ARHGAP24: variants seen among roughly 807,000 people sequenced by gnomAD.
ARHGAP24 encodes the protein Rho GTPase activating protein 24, also known as rho GTPase-activating protein 24.
Under a neutral mutation model 76.4 loss-of-function variants are expected in ARHGAP24, and 50 were observed. That is an observed-to-expected ratio of 0.65 (90% CI 0.52 to 0.83). ARHGAP24 has a LOEUF of 0.83. Among genes scored for constraint, ARHGAP24 ranks in the 40% least tolerant of loss-of-function variants. The pLI is 0.00. For missense variants in ARHGAP24, 930 were observed against 914.2 expected (o/e 1.02, Z -0.22); for synonymous variants, 345 against 323.3 (o/e 1.07, Z -0.72).
intron 3 of ARHGAP24, among the ~76,000 whole-genome samples, chr4:85,766,982 A>G (rs1726952578): frequency 6.6e-6 from 1 of 152,208 alleles, no homozygotes. Flanking sequence ...ATGTTTGGAT[A>G]CACAGTATTT....
intron 6 of ARHGAP24, among the ~76,000 whole-genome samples, chr4:85,973,293 T>A (rs1407874493): frequency 6.6e-6 from 1 of 151,830 alleles, no homozygotes; most frequent in East Asian, 1.9e-4. Flanking sequence ...ATGCTGAACA[T>A]CTTTTCATGT....
chr4:85,729,312 A>T (rs1725300191), intron 3 of ARHGAP24, among the ~76,000 whole-genome samples: 1 of 152,244 alleles, frequency 6.6e-6, no homozygotes, highest in African/African-American at 2.4e-5. Flanking sequence ...AGCATGTATT[A>T]ACTACTATGT....
intron 2 of ARHGAP24, among the ~76,000 whole-genome samples, chr4:85,681,342 A>G (rs1723197212): frequency 6.6e-6 from 1 of 152,116 alleles, no homozygotes; most frequent in South Asian, 2.1e-4. Context: ...GATGCCAGTA[A>G]TTTTTCTCCT....
At chr4:85,954,135 A>G (rs1737776886) in intron 5 of ARHGAP24, among the ~76,000 whole-genome samples, 1 of 152,172 alleles carries the variant, frequency 6.6e-6, no homozygotes, top group Non-Finnish European at 1.5e-5. Context: ...ACATAACAAG[A>G]AAAAAAGATG....
chr4:85,639,714 AAAG>A (rs1721454223), intron 2 of ARHGAP24, among the ~76,000 whole-genome samples: 1 of 151,802 alleles, frequency 6.6e-6, no homozygotes, highest in South Asian at 2.1e-4. Flanking sequence ...AAAAAAAAAA[AAAG>A]GAGGGGAGAA....
At chr4:85,976,695 G>A (rs1739347636) in intron 7 of ARHGAP24, among the ~76,000 whole-genome samples, 2 of 151,716 alleles carry the variant, frequency 1.3e-5, no homozygotes, top group Non-Finnish European at 2.9e-5. Flanking sequence ...TTACTTTTTA[G>A]CACCTAATAA....
chr4:85,972,401 C>T (rs866496632), intron 6 of ARHGAP24: 14 of 532,108 alleles, frequency 2.6e-5, no homozygotes, highest in African/African-American at 7.7e-5. Flanking sequence ...CACGACTTGC[C>T]GCTTTCTTTC....
rs779684595 is a variant in ARHGAP24 at position 85,972,200 on chromosome 4, T to C, written c.732+32T>C. 4 of 1,611,374 alleles carry C rather than the reference T, an allele frequency of 2.5e-6. No homozygotes were observed. The Admixed American group carries it at 5.0e-5, about 20-fold the overall frequency. On this transcript the variant is annotated intron_variant, in intron 6 of 9. Transcript: ENST00000395184. ...TGATGCATTTATTTCCAAATAAGCT[T>C]TTGTTTGGAATTTTTTTCTGTGTTC...
intron 3 of ARHGAP24, among the ~76,000 whole-genome samples, chr4:85,833,378 T>C (rs555180407): frequency 6.7e-6 from 1 of 149,334 alleles, no homozygotes; most frequent in African/African-American, 2.6e-5. Context: ...GGTCTCTGGA[T>C]TTTTTTTTCT....
intron 2 of ARHGAP24, among the ~76,000 whole-genome samples, chr4:85,599,922 A>G (rs1009804590): frequency 2.0e-5 from 3 of 152,206 alleles, no homozygotes; most frequent in Admixed American, 6.5e-5. Flanking sequence ...AACTTGTTTC[A>G]TGATGGGAGT....
At chr4:85,801,284 G>A (rs1422342211) in intron 3 of ARHGAP24, among the ~76,000 whole-genome samples, 1 of 152,084 alleles carries the variant, frequency 6.6e-6, no homozygotes, top group Admixed American at 6.6e-5. Context: ...TACAAATAGT[G>A]CTTTATGTTG....
chr4:85,484,568 T>C (rs76417564), intron 1 of ARHGAP24, among the ~76,000 whole-genome samples: 5,658 of 152,198 alleles, frequency 0.037, 351 homozygotes, highest in African/African-American at 0.12. Flanking sequence ...AAGCAGATGA[T>C]ATTTTATTCA....
intron 5 of ARHGAP24, among the ~76,000 whole-genome samples, chr4:85,960,470 A>G (rs78642386): frequency 0.029 from 4,440 of 152,242 alleles, 248 homozygotes; most frequent in African/African-American, 0.1. Flanking sequence ...TAAAACACAT[A>G]GAACTAGAAG....
intron 3 of ARHGAP24, among the ~76,000 whole-genome samples, chr4:85,775,320 T>C (rs1727274686): frequency 6.6e-6 from 1 of 152,082 alleles, no homozygotes; most frequent in South Asian, 2.1e-4. Flanking sequence ...GGAAATTCGG[T>C]AGGTGTATTA....
chr4:85,895,690 G>A (rs1734138740), intron 3 of ARHGAP24, among the ~76,000 whole-genome samples: 1 of 152,022 alleles, frequency 6.6e-6, no homozygotes, highest in Admixed American at 6.6e-5. Context: ...TTTGAAATTA[G>A]AGGTGATTCT....
chr4:85,619,508 G>A (rs992028070), intron 2 of ARHGAP24, among the ~76,000 whole-genome samples: 1 of 150,888 alleles, frequency 6.6e-6, no homozygotes, highest in Non-Finnish European at 1.5e-5. Context: ...AAAAAAAAAA[G>A]TCATTGAAAT....
intron 3 of ARHGAP24, among the ~76,000 whole-genome samples, chr4:85,888,207 C>T (rs914199802): frequency 6.6e-6 from 1 of 151,984 alleles, no homozygotes; most frequent in African/African-American, 2.4e-5. Flanking sequence ...TTGAGACCAG[C>T]CTGGGCAACA....
At chr4:85,701,145 C>A (rs1724071462) in intron 2 of ARHGAP24, among the ~76,000 whole-genome samples, 1 of 152,192 alleles carries the variant, frequency 6.6e-6, no homozygotes, top group Non-Finnish European at 1.5e-5. Flanking sequence ...ATAGTAACCA[C>A]TTGCTATTAT....
chr4:85,545,939 GA>G (rs1725905654), intron 1 of ARHGAP24, among the ~76,000 whole-genome samples: 1 of 152,136 alleles, frequency 6.6e-6, no homozygotes, highest in South Asian at 2.1e-4. Context: ...TAATATTTGA[GA>G]GGCAATATAA....
Sources: gnomAD v4.1 joint callset for allele counts (sites outside exome capture counted in the v4.1 genomes callset) on GRCh38, gnomAD v4.1.1 for gene constraint, MANE v1.5 for transcripts, NCBI Gene and HGNC (gene_info 2026-07-23, HGNC 2026-07-21) for gene names.